Variants in PPP1R42 observed in about 807,000 individuals in gnomAD.
PPP1R42 encodes the protein leucine rich repeat containing 67.
PPP1R42 carries 34 observed loss-of-function variants against 31.0 expected under a neutral mutation model. That is an observed-to-expected ratio of 1.10 (90% CI 0.83 to 1.46). The LOEUF (loss-of-function observed/expected upper bound fraction) is 1.46, where lower values mean the gene tolerates loss of function less well. PPP1R42 is among the 40% of genes most tolerant of loss of function. The probability of loss-of-function intolerance (pLI) is 0.00; values close to 1 mark genes in which losing one functional copy is unlikely to be tolerated. For missense variants in PPP1R42, 268 were observed against 303.0 expected (o/e 0.88, Z 0.86); for synonymous variants, 103 against 109.8 (o/e 0.94, Z 0.39).
chr8:66,972,920 C>T (rs1300325913), intron 7 of PPP1R42, among the ~76,000 whole-genome samples: 1 of 152,186 alleles, frequency 6.6e-6, no homozygotes, highest in Non-Finnish European at 1.5e-5. Flanking sequence ...ATCCCAGCTT[C>T]ATTTAGCCTG....
Position 66,964,235 on chromosome 8 carries a change from CACAA to C in PPP1R42, c.*82_*85del. ...CTTGAGGCTGAATTTACTCATTTTC[CACAA>C]ACAAATTTTCTTTTTCTTCTGGGTT... On this transcript the variant is annotated 3_prime_UTR_variant, in exon 8 of 8. Coordinates refer to ENST00000685739, the MANE Select transcript of PPP1R42 (RefSeq NM_001364910.1). 1 of 1,034,824 alleles carries C rather than the reference CACAA, an allele frequency of 9.7e-7. No homozygotes were observed. Among genetic ancestry groups the C allele is most frequent in the Non-Finnish European group, 1.3e-6 (1 of 757,370 alleles). The allele number at this position is 1,034,824 out of a possible 1,614,324, so 64.1% of individuals were successfully genotyped here. A position where few individuals can be genotyped will look rare whatever the true frequency, so the allele number is the denominator to read the frequency against.
chr8:66,997,853 G>A (rs940979152), intron 5 of PPP1R42, among the ~76,000 whole-genome samples: 6 of 151,994 alleles, frequency 3.9e-5, no homozygotes, highest in African/African-American at 1.2e-4. Context: ...TGCCTGTGAT[G>A]GTTTTACCAA....
chr8:66,982,053 G>A lies in PPP1R42; in HGVS notation c.798C>T (p.Leu266=), dbSNP rs975222744. The stretch of plus-strand genomic sequence containing the variant: ...AATGAGTGACAGAGTGCTTACTTAT[G>A]AGTGAATTGCTTGCATCCTCATTTT... ...SSKNEDASNS[L]IRISL is the part of the protein sequence containing the mutation. The change falls in exon 7 of 8, where the codon CTC becomes CTT. Residue 266 remains leucine (L), a synonymous_variant. Coordinates refer to ENST00000685739, the MANE Select transcript of PPP1R42 (RefSeq NM_001364910.1). 16 of 1,440,708 alleles carry A rather than the reference G, an allele frequency of 1.1e-5. No individual in the cohort carries two copies. The highest frequency in any genetic ancestry group is 1.4e-5 in the Non-Finnish European group (15 of 1,106,264). 89.2% of individuals were successfully genotyped at this position (1,440,708 alleles called of 1,614,324 possible).
intron 5 of PPP1R42, 48 bp downstream of exon 5, chr8:67,010,667 T>C: frequency 7.8e-7 from 1 of 1,281,726 alleles, no homozygotes; most frequent in South Asian, 1.3e-5. Context: ...CATTTTTCAA[T>C]CATAATTTCA....
At chr8:67,020,884 C>T (rs1314888048) in intron 1 of PPP1R42, among the ~76,000 whole-genome samples, 1 of 152,164 alleles carries the variant, frequency 6.6e-6, no homozygotes, top group African/African-American at 2.4e-5. Context: ...CCACGAGTTC[C>T]AGGTTAGCGT....
chr8:67,014,380 A>G (rs1287884251), intron 3 of PPP1R42, 46 bp downstream of exon 3: 2 of 1,204,174 alleles, frequency 1.7e-6, no homozygotes, highest in Non-Finnish European at 2.3e-6. Flanking sequence ...TGTAAGTACC[A>G]TAATCATAAA....
intron 6 of PPP1R42, among the ~76,000 whole-genome samples, chr8:66,986,840 C>T (rs1815033320): frequency 1.3e-5 from 2 of 152,128 alleles, no homozygotes; most frequent in South Asian, 2.1e-4. Flanking sequence ...TAGAATTAGC[C>T]ATCCCTCCTT....
At chr8:66,990,265 A>G (rs1409258494) in intron 5 of PPP1R42, among the ~76,000 whole-genome samples, 16 of 152,146 alleles carry the variant, frequency 1.1e-4, no homozygotes, top group Admixed American at 1.0e-3. Context: ...CCCATCATCT[A>G]AAAGTTAATA....
intron 1 of PPP1R42, among the ~76,000 whole-genome samples, chr8:67,020,956 G>A (rs1251825532): frequency 6.6e-6 from 1 of 152,086 alleles, no homozygotes; most frequent in Non-Finnish European, 1.5e-5. Context: ...CTCTAAATAA[G>A]TAAATAAAAT....
At chr8:66,980,530 G>A (rs902630617) in intron 7 of PPP1R42, among the ~76,000 whole-genome samples, 3 of 152,010 alleles carry the variant, frequency 2.0e-5, no homozygotes, top group African/African-American at 4.8e-5. Context: ...TGCTTGGCCC[G>A]TAGTTCGTAT....
At chr8:66,988,255 C>T in intron 6 of PPP1R42, 145 bp downstream of exon 6, 2 of 1,263,372 alleles carry the variant, frequency 1.6e-6, no homozygotes, top group Non-Finnish European at 2.0e-6. Context: ...TTAACTTTTG[C>T]TCTTATTCAA....
At chr8:66,984,545 A>G in intron 6 of PPP1R42, 1 of 1,239,898 alleles carries the variant, frequency 8.1e-7, no homozygotes, top group Non-Finnish European at 1.2e-6. Context: ...TTCTAACTCC[A>G]TCTCAATCTT....
intron 1 of PPP1R42, among the ~76,000 whole-genome samples, chr8:67,022,881 C>T (rs1254880975): frequency 6.6e-6 from 1 of 152,032 alleles, no homozygotes; most frequent in African/African-American, 2.4e-5. Context: ...GTCCTTGACT[C>T]TTTCATATAA....
chr8:66,984,497 T>C, intron 6 of PPP1R42: 1 of 1,234,768 alleles, frequency 8.1e-7, no homozygotes. Context: ...TGCCCAGCAT[T>C]GGCCTCAATC....
intron 5 of PPP1R42, among the ~76,000 whole-genome samples, chr8:66,990,523 T>G (rs989837256): frequency 6.6e-6 from 1 of 152,234 alleles, no homozygotes; most frequent in African/African-American, 2.4e-5. Flanking sequence ...CAGACACTTT[T>G]CTGGACAGTC....
Position 67,014,577 on chromosome 8 carries a change from A to G in PPP1R42, c.145T>C (p.Cys49Arg). The G allele has an allele frequency of 6.5e-7, 1 of 1,529,078 alleles. No homozygotes were observed. The highest frequency in any genetic ancestry group is 8.9e-7 in the Non-Finnish European group (1 of 1,126,708). 94.7% of individuals were successfully genotyped at this position (1,529,078 alleles called of 1,614,324 possible). ...NIDAIEDLSL[C>R]KNLSVLYLYD... ...AAATATAAAACACTAAGATTTTTGC[A>G]AAGAGAGAGGTCTTCCTAAAAGGGA... Residue 49 changes from cysteine (C) to arginine (R), a missense_variant, in exon 3 of 8, where the codon TGC becomes CGC. Transcript: ENST00000685739.
intron 5 of PPP1R42, among the ~76,000 whole-genome samples, chr8:66,998,785 T>C (rs1330826155): frequency 6.6e-6 from 1 of 152,238 alleles, no homozygotes; most frequent in Non-Finnish European, 1.5e-5. Flanking sequence ...ATTTTGTGCA[T>C]CTATTGAGAT....
In PPP1R42 at chr8:67,023,651, T is replaced by G. The variant is rs184354263; in HGVS notation, c.-85+4840A>C. 4.6e-3 allele frequency among the ~76,000 whole-genome samples: 697 copies of G among 152,246 alleles called. 8 individuals carry two copies. The highest frequency in any genetic ancestry group is 4.4e-3 in the Non-Finnish European group (301 of 68,016). On this transcript the variant is annotated intron_variant, in intron 1 of 7. Coordinates refer to ENST00000685739, the MANE Select transcript of PPP1R42 (RefSeq NM_001364910.1). ...AACAGTCTACTACTTCCCAAACCTT[T>G]TATCTCTTTTTTTTCTTTTTTATTG...
chr8:67,021,813 A>T (rs998350136), intron 1 of PPP1R42, among the ~76,000 whole-genome samples: 2 of 151,996 alleles, frequency 1.3e-5, no homozygotes, highest in South Asian at 4.1e-4. Flanking sequence ...GATATTAATG[A>T]TATTATTCTG....
Sources: allele counts gnomAD v4.1 joint callset (sites outside exome capture counted in the v4.1 genomes callset), GRCh38; gene constraint gnomAD v4.1.1; transcripts MANE v1.5; gene names NCBI Gene and HGNC (gene_info 2026-07-23, HGNC 2026-07-21).